Variants in UPRT observed in about 807,000 individuals in gnomAD.
The protein encoded by UPRT is RP11-311P8.3.
Under a neutral mutation model 22.6 loss-of-function variants are expected in UPRT, and 5 were observed. The ratio of observed to expected loss-of-function variants is 0.22; its 90% CI spans 0.12 to 0.47. The LOEUF is 0.47. Among genes scored for constraint, UPRT ranks in the 20% least tolerant of loss-of-function variants. UPRT has a pLI of 0.99. For missense variants in UPRT, 181 were observed against 239.9 expected (o/e 0.75, Z 1.62); for synonymous variants, 77 against 87.7 (o/e 0.88, Z 0.68).
At chrX:75,254,823 C>T (rs987756643) in intron 4 of UPRT, among the ~76,000 whole-genome samples, 9 of 95,593 alleles carry the variant, frequency 9.4e-5, no homozygotes, top group African/African-American at 1.6e-4. Context: ...GGCCAGACTG[C>T]GGACTGCAGT....
chrX:75,265,509 G>T (rs2082585245), intron 4 of UPRT, among the ~76,000 whole-genome samples: 1 of 112,030 alleles, frequency 8.9e-6, no homozygotes, highest in Admixed American at 9.5e-5. Context: ...CGTAGTTCTT[G>T]TGCTGTGGTT....
intron 4 of UPRT, among the ~76,000 whole-genome samples, chrX:75,216,878 T>G (rs2082394638): frequency 9.0e-6 from 1 of 111,631 alleles, no homozygotes; most frequent in East Asian, 2.8e-4. Context: ...CCTCAGCCTC[T>G]TGAGTAGCTG....
intron 4 of UPRT, among the ~76,000 whole-genome samples, chrX:75,216,105 CA>C (rs1359507924): frequency 9.0e-6 from 1 of 111,237 alleles, no homozygotes; most frequent in Admixed American, 9.6e-5. Flanking sequence ...AACATAAATG[CA>C]AAAATTCTCA....
At chrX:75,248,476 G>T (rs868255903) in intron 4 of UPRT, among the ~76,000 whole-genome samples, 23 of 111,728 alleles carry the variant, frequency 2.1e-4, no homozygotes, top group African/African-American at 6.2e-4. Context: ...AAGACAAAAT[G>T]AATGAAATGA....
chrX:75,196,735 C>A (rs1355081716), intron 4 of UPRT, among the ~76,000 whole-genome samples: 1 of 110,904 alleles, frequency 9.0e-6, no homozygotes, highest in Non-Finnish European at 1.9e-5. Context: ...TAATCCCAGC[C>A]ACTCGGGAGG....
chrX:75,206,355 G>T (rs1269398347), intron 4 of UPRT, among the ~76,000 whole-genome samples: 1 of 111,069 alleles, frequency 9.0e-6, no homozygotes, highest in Non-Finnish European at 1.9e-5. Flanking sequence ...GGCCTGATGT[G>T]TGGGGAAAGG....
In UPRT at chrX:75,249,565, C is replaced by G. The variant is rs779960719; in HGVS notation, c.-446-41459C>G. ...GAGCACCCAGATTCATAAAGCAAGT[C>G]CTTAGTGACCTACAAAGAGACTTAG... On this transcript the variant is annotated intron_variant, in intron 4 of 13. Transcript: ENST00000652605. 3.6e-5 allele frequency among the ~76,000 whole-genome samples: 4 copies of G among 111,237 alleles called. No homozygotes were observed. The Admixed American group carries it at 3.8e-4, about 11-fold the overall frequency.
chrX:75,247,454 G>T (rs1278825663), intron 4 of UPRT, among the ~76,000 whole-genome samples: 7 of 111,734 alleles, frequency 6.3e-5, no homozygotes, highest in Non-Finnish European at 1.3e-4. Flanking sequence ...GGTTCAGAGG[G>T]TCCTATGCCC....
At chrX:75,192,941 T>C (rs1402853381) in intron 4 of UPRT, among the ~76,000 whole-genome samples, 1 of 111,966 alleles carries the variant, frequency 8.9e-6, no homozygotes, top group Non-Finnish European at 1.9e-5. Flanking sequence ...TTTTATTTGA[T>C]GCATTAAGCC....
At chrX:75,240,495 G>A (rs926136979) in intron 4 of UPRT, among the ~76,000 whole-genome samples, 1 of 111,295 alleles carries the variant, frequency 9.0e-6, no homozygotes, top group African/African-American at 3.2e-5. Context: ...TGGATGGGGA[G>A]CACACTGCTG....
intron 2 of UPRT, among the ~76,000 whole-genome samples, chrX:75,294,816 G>T (rs937623852): frequency 9.0e-6 from 1 of 111,649 alleles, no homozygotes; most frequent in Admixed American, 9.5e-5. Context: ...CTGCTGTTTT[G>T]GTGTTTACTG....
rs2082490898 is a variant in UPRT at position 75,242,309 on chromosome X, A to G, written c.-446-48715A>G. On this transcript the variant is annotated intron_variant, in intron 4 of 13. Coordinates refer to the UPRT transcript ENST00000652605. Reference sequence around the variant, plus strand: ...TTGAGCATCACCAAAGTCAACTTCAATTAAGGGATTCTGGGAGCTTAGTGC... The same window carrying G: ...TTGAGCATCACCAAAGTCAACTTCAGTTAAGGGATTCTGGGAGCTTAGTGC... Among the ~76,000 whole-genome samples the G allele has an allele frequency of 2.7e-5, 3 of 111,112 alleles. No individual in the cohort carries two copies. In the South Asian group the frequency reaches 1.2e-3, roughly 43 times the overall value.
chrX:75,191,359 C>T (rs1351861481), intron 4 of UPRT, among the ~76,000 whole-genome samples: 3 of 111,871 alleles, frequency 2.7e-5, no homozygotes, highest in South Asian at 3.8e-4. Context: ...GAGGGGTACC[C>T]GGCCGTGTGA....
intron 4 of UPRT, among the ~76,000 whole-genome samples, chrX:75,179,092 G>T: frequency 8.9e-6 from 1 of 112,118 alleles, no homozygotes; most frequent in African/African-American, 3.2e-5. Flanking sequence ...ACACCAGAGT[G>T]TCGATTGGTG....
chrX:75,246,503 A>G (rs2082507000), intron 4 of UPRT, among the ~76,000 whole-genome samples: 1 of 110,585 alleles, frequency 9.0e-6, no homozygotes, highest in Non-Finnish European at 1.9e-5. Context: ...CCAGTCTATC[A>G]TTGATGGACA....
At chrX:75,253,625 C>G (rs139928591) in intron 4 of UPRT, among the ~76,000 whole-genome samples, 13 of 111,882 alleles carry the variant, frequency 1.2e-4, no homozygotes, top group African/African-American at 3.6e-4. Context: ...AGCCTCAGAT[C>G]GTAAATTTTT....
At chrX:75,158,761 T>G (rs2082190716) in intron 1 of UPRT, among the ~76,000 whole-genome samples, 1 of 111,845 alleles carries the variant, frequency 8.9e-6, no homozygotes, top group Non-Finnish European at 1.9e-5. Context: ...TTCCTGTAGA[T>G]TTTTAAATGA....
intron 3 of UPRT, among the ~76,000 whole-genome samples, chrX:75,163,884 A>G (rs755890608): frequency 5.4e-5 from 6 of 111,471 alleles, no homozygotes; most frequent in African/African-American, 2.0e-4. Context: ...GTTGATTACT[A>G]AAGGACTTGA....
upstream of UPRT, among the ~76,000 whole-genome samples, chrX:75,273,628 T>C (rs900518715): frequency 4.5e-5 from 5 of 111,637 alleles, no homozygotes; most frequent in Non-Finnish European, 9.4e-5. Context: ...TAAGAAAAGC[T>C]TTGGCGGTCA....
Sources: gnomAD v4.1 joint callset for allele counts (sites outside exome capture counted in the v4.1 genomes callset) on GRCh38, gnomAD v4.1.1 for gene constraint, MANE v1.5 for transcripts, NCBI Gene and HGNC (gene_info 2026-07-23, HGNC 2026-07-21) for gene names.